Variants in ENO2 observed in about 807,000 individuals in gnomAD.
ENO2 encodes gamma-enolase.
ENO2 carries 19 observed loss-of-function variants against 48.7 expected under a neutral mutation model. That is an observed-to-expected ratio of 0.39 (90% CI 0.27 to 0.57). The LOEUF is 0.57. ENO2 is among the 20% of genes least tolerant of loss of function. The pLI, the probability that ENO2 is intolerant of heterozygous loss-of-function variation, is 0.58. For synonymous variants in ENO2, 198 were observed against 213.4 expected (o/e 0.93, Z 0.63); for missense variants, 416 against 555.0 (o/e 0.75, Z 2.52).
intron 1 of ENO2, chr12:6,915,571 AT>A (rs1322039627): frequency 1.4e-5 from 7 of 488,878 alleles, no homozygotes; most frequent in Non-Finnish European, 2.6e-5. Flanking sequence ...CCATCTCATC[AT>A]TTGATCTTAC....
At chr12:6,918,631 G>T (rs782689188) in intron 7 of ENO2, among the ~76,000 whole-genome samples, 4 of 149,680 alleles carry the variant, frequency 2.7e-5, no homozygotes, top group Admixed American at 2.0e-4. Context: ...GAGCCACCAC[G>T]CCTGGCCAGG....
At position 6,922,326 on chromosome 12, in the gene ENO2, T is replaced by C. The variant is rs781953757; in HGVS notation, c.1177-18T>C. 106 of 1,613,998 alleles carry C rather than the reference T, an allele frequency of 6.6e-5. No homozygotes were observed. The highest frequency in any genetic ancestry group is 8.6e-5 in the Non-Finnish European group (102 of 1,180,022). On this transcript the variant is annotated intron_variant, in intron 10 of 11. Coordinates refer to ENST00000229277, the MANE Select transcript of ENO2 (RefSeq NM_001975.3). The surrounding 1 kb of genome is among the most constrained non-coding windows in gnomAD (Gnocchi z 5.3). Reference sequence around the variant, plus strand: ...GAGAGGGCAGTCACTGAGCTGCAAATCCTTTGAAATGTTTCAGATCAAGAC... The same window carrying C: ...GAGAGGGCAGTCACTGAGCTGCAAACCCTTTGAAATGTTTCAGATCAAGAC...
In ENO2 at chr12:6,923,076, T is replaced by TTA; in HGVS notation, c.*276_*277insTA. On this transcript the variant is annotated 3_prime_UTR_variant, in exon 12 of 12. Transcript: ENST00000229277. ...AACTAGAAATGTGAATGAGGATTAT[T>TTA]ATAAAAGGGGGTCCGTGGAAGAATG... 2.4e-6 allele frequency: 1 copy of TTA among 424,042 alleles called. No homozygotes were observed. The highest frequency in any genetic ancestry group is 4.4e-6 in the Non-Finnish European group (1 of 227,828). The allele number at this position is 424,042 out of a possible 1,614,324, so 26.3% of individuals were successfully genotyped here. A position where few individuals can be genotyped will look rare whatever the true frequency, so the allele number is the denominator to read the frequency against.
At chr12:6,917,754 TG>T in intron 6 of ENO2, 40 bp downstream of exon 6, 1 of 1,346,300 alleles carries the variant, frequency 7.4e-7, no homozygotes, top group South Asian at 1.2e-5. Flanking sequence ...CAGGGGCGGG[TG>T]GGGGAGGGAG....
At position 6,915,970 on chromosome 12, in the gene ENO2, C is replaced by T. The variant is rs1371660373; in HGVS notation, c.85+53C>T. The T allele has an allele frequency of 8.1e-6, 13 of 1,602,678 alleles. No individual in the cohort carries two copies. The African/African-American group carries it at 1.6e-4, about 20-fold the overall frequency. On this transcript the variant is annotated intron_variant, in intron 2 of 11. Coordinates refer to ENST00000229277, the MANE Select transcript of ENO2 (RefSeq NM_001975.3). ...CAGCCCTAGCTTTTCCACGGCCAGG[C>T]TGGGTTCGGCCAGGGGTTCGGAGGC...
Position 6,916,950 on chromosome 12 carries a change from A to C in ENO2, c.241-88A>C. 1 of 1,581,962 alleles carries C rather than the reference A, an allele frequency of 6.3e-7. No homozygotes were observed. The highest frequency in any genetic ancestry group is 1.7e-5 in the Admixed American group (1 of 59,250). On this transcript the variant is annotated intron_variant, in intron 4 of 11. Transcript: ENST00000229277. This position sits in a 1 kb window ranked among gnomAD's most constrained non-coding sequence, Gnocchi z 4.5. ...CAGGGACCTGGTTGGACCCTGGCCAAATGTGAGCTTGGGTGTGAATGAGGG... is the reference window on the plus strand; with the variant it reads ...CAGGGACCTGGTTGGACCCTGGCCACATGTGAGCTTGGGTGTGAATGAGGG...
At position 6,918,507 on chromosome 12, in the gene ENO2, C is replaced by T. The variant is rs185856694; in HGVS notation, c.667+345C>T. Among the ~76,000 whole-genome samples the T allele has an allele frequency of 2.7e-3, 412 of 151,654 alleles. 9 individuals carry two copies. In the East Asian group the frequency reaches 0.06, roughly 22 times the overall value. On this transcript the variant is annotated intron_variant, in intron 7 of 11. Coordinates refer to ENST00000229277, the MANE Select transcript of ENO2 (RefSeq NM_001975.3). ...CTGGGACTACAGGCGCCCGCCACCACGCCCGGCTAATTTTTTGTATTTTTT... is the reference window on the plus strand; with the variant it reads ...CTGGGACTACAGGCGCCCGCCACCATGCCCGGCTAATTTTTTGTATTTTTT...
In ENO2 at chr12:6,915,892, G is replaced by GGC; in HGVS notation, c.61_62insCG (p.Glu21AlafsTer30). On this transcript the variant is annotated frameshift_variant, in exon 2 of 12. Coordinates refer to ENST00000229277, the MANE Select transcript of ENO2 (RefSeq NM_001975.3). LOFTEE classifies it high-confidence loss of function. ...TGGACTCCCGCGGGAACCCCACAGT[G>GGC]GAGGTGGATCTCTATACTGCCAAAG... 2 of 1,614,110 alleles carry GGC rather than the reference G, an allele frequency of 1.2e-6. No homozygotes were observed. The highest frequency in any genetic ancestry group is 8.5e-7 in the Non-Finnish European group (1 of 1,179,988).
chr12:6,921,620 C>G lies in ENO2; in HGVS notation c.905C>G (p.Ala302Gly). The G allele has an allele frequency of 1.2e-6, 2 of 1,614,126 alleles. No homozygotes were observed. The change falls in exon 9 of 12, where the codon GCT becomes GGT. Residue 302 changes from alanine to glycine, a missense_variant. Physicochemically the swap from Ala to Gly is moderately conservative, Grantham distance 60. Transcript: ENST00000229277. The stretch of plus-strand genomic sequence containing the variant: ...GACCCATTTGACCAGGATGATTGGG[C>G]TGCCTGGTCCAAGTTCACAGCCAAT... ...IEDPFDQDDW[A>G]AWSKFTANVG...
At position 6,923,022 on chromosome 12, in the gene ENO2, C is replaced by A. The variant is rs76092718; in HGVS notation, c.*222C>A. 207 of 530,400 alleles carry A rather than the reference C, an allele frequency of 3.9e-4. 1 individual carries two copies. In the East Asian group the frequency reaches 6.1e-3, roughly 16 times the overall value. The allele number at this position is 530,400 out of a possible 1,614,324, so 32.9% of individuals were successfully genotyped here. ...CATTGGGGTTCCGCACTTTCCACTT[C>A]TTCCTTTCTCTTTCTCTCTTCCCTC... is the stretch of plus-strand genomic sequence containing the variant. On this transcript the variant is annotated 3_prime_UTR_variant, in exon 12 of 12. Coordinates refer to ENST00000229277, the MANE Select transcript of ENO2 (RefSeq NM_001975.3).
Position 6,916,377 on chromosome 12 carries a change from T to C in ENO2, c.86-40T>C, listed in dbSNP as rs782688742. On this transcript the variant is annotated intron_variant, in intron 2 of 11. Transcript: ENST00000229277. The surrounding 1 kb of genome is among the most constrained non-coding windows in gnomAD (Gnocchi z 4.5). ...AGGCTGAAGGACTCCCTGGCCCCTG[T>C]GTCCTCTTCACTCCCTCTCATTCCA... is the stretch of plus-strand genomic sequence containing the variant. 1.9e-6 allele frequency: 3 copies of C among 1,590,398 alleles called. No homozygotes were observed. The highest frequency in any genetic ancestry group is 4.5e-5 in the East Asian group (2 of 44,524).
At chr12:6,920,372 T>TTG (rs1480991063) in intron 8 of ENO2, among the ~76,000 whole-genome samples, 1,401 of 82,534 alleles carry the variant, frequency 0.017, 39 homozygotes, top group African/African-American at 0.054. Context: ...AGATTTTTTT[T>TTG]GGGGGGGGGG....
intron 7 of ENO2, among the ~76,000 whole-genome samples, chr12:6,919,356 G>A (rs886359466): frequency 3.9e-5 from 6 of 152,168 alleles, no homozygotes; most frequent in Non-Finnish European, 7.3e-5. Context: ...ACCAATGAAA[G>A]TATAGTAAGT....
chr12:6,917,734 G>T lies in ENO2; in HGVS notation c.444+20G>T, dbSNP rs782649433. On this transcript the variant is annotated intron_variant, in intron 6 of 11. Transcript: ENST00000229277. ...GTGCCGGTGAGCAATAAGCCAGCCTGCGGCTCTCCCAGGGGCGGGTGGGGG... is the reference window on the plus strand; with the variant it reads ...GTGCCGGTGAGCAATAAGCCAGCCTTCGGCTCTCCCAGGGGCGGGTGGGGG... The T allele has an allele frequency of 2.5e-6, 4 of 1,609,906 alleles. No homozygotes were observed. The highest frequency in any genetic ancestry group is 3.3e-5 in the Admixed American group (2 of 59,852).
In ENO2 at chr12:6,916,372, C is replaced by G; in HGVS notation, c.86-45C>G. 1 of 1,579,204 alleles carries G rather than the reference C, an allele frequency of 6.3e-7. No individual in the cohort carries two copies. Among genetic ancestry groups the G allele is most frequent in the Non-Finnish European group, 8.6e-7 (1 of 1,158,516 alleles). On this transcript the variant is annotated intron_variant, in intron 2 of 11. Transcript: ENST00000229277. This position sits in a 1 kb window ranked among gnomAD's most constrained non-coding sequence, Gnocchi z 4.5. ...CCAGAAGGCTGAAGGACTCCCTGGC[C>G]CCTGTGTCCTCTTCACTCCCTCTCA... is the stretch of plus-strand genomic sequence containing the variant.
At position 6,919,711 on chromosome 12, in the gene ENO2, C is replaced by T. The variant is rs1555141941; in HGVS notation, c.813C>T (p.Ile271=). ...FKSPTDPSRY[I]TGDQLGALYQ... is the part of the protein sequence containing the mutation. ...CTCCCACTGATCCTTCCCGATACAT[C>T]ACTGGGGACCAGCTGGGGGCACTCT... The change falls in exon 8 of 12, where the codon ATC becomes ATT. Residue 271 remains isoleucine, a synonymous_variant. Coordinates refer to ENST00000229277, the MANE Select transcript of ENO2 (RefSeq NM_001975.3). 6.8e-6 allele frequency: 11 copies of T among 1,614,050 alleles called. No homozygotes were observed. The highest frequency in any genetic ancestry group is 9.3e-6 in the Non-Finnish European group (11 of 1,180,026).
At chr12:6,917,519 A>G in intron 5 of ENO2, 62 bp from the exon 6 acceptor site, 2 of 1,568,800 alleles carry the variant, frequency 1.3e-6, no homozygotes, top group South Asian at 2.4e-5. Flanking sequence ...CTACAGATGG[A>G]GGCAGGAGCT....
Position 6,918,177 on chromosome 12 carries a change from C to T in ENO2, c.667+15C>T, listed in dbSNP as rs372330407. The T allele has an allele frequency of 9.3e-6, 15 of 1,612,996 alleles. No homozygotes were observed. Among genetic ancestry groups the T allele is most frequent in the Non-Finnish European group, 1.2e-5 (14 of 1,179,290 alleles). Reference sequence around the variant, plus strand: ...GAACAGTGAAGGTGAGGCCAGGAGCCCCACTCCCAGCTCTAAGTCTTACCC... The same window carrying T: ...GAACAGTGAAGGTGAGGCCAGGAGCTCCACTCCCAGCTCTAAGTCTTACCC... On this transcript the variant is annotated intron_variant, in intron 7 of 11. Transcript: ENST00000229277.
intron 5 of ENO2, 141 bp from the exon 6 acceptor site, chr12:6,917,439 TG>T: frequency 8.7e-7 from 1 of 1,152,750 alleles, no homozygotes; most frequent in Non-Finnish European, 1.2e-6. Context: ...CAAGAGAGCA[TG>T]GATGAGGTGT....
Sources: allele counts gnomAD v4.1 joint callset (sites outside exome capture counted in the v4.1 genomes callset), GRCh38; gene constraint gnomAD v4.1.1; non-coding constraint Gnocchi (gnomAD v3.1); transcripts MANE v1.5; gene names NCBI Gene and HGNC (gene_info 2026-07-23, HGNC 2026-07-21).